EP400: variants seen among roughly 807,000 people sequenced by gnomAD.
EP400 encodes the protein E1A-binding protein p400.
In EP400, 105 loss-of-function variants were observed where a neutral mutation model predicts 354.1. The observed-to-expected ratio is 0.30, with a 90% CI of 0.25 to 0.35. EP400 has a LOEUF of 0.35. Among genes scored for constraint, EP400 ranks in the 10% least tolerant of loss-of-function variants. The pLI, the probability that EP400 is intolerant of heterozygous loss-of-function variation, is 1.00. For synonymous variants in EP400, 1,646 were observed against 1,716.9 expected, an observed-to-expected ratio of 0.96 and a Z score of 1.02; for missense variants, 3,280 against 4,121.0, an observed-to-expected ratio of 0.80 and a Z score of 5.59.
intron 23 of EP400, among the ~76,000 whole-genome samples, chr12:132,023,004 T>C (rs1389271982): frequency 2.0e-5 from 3 of 152,034 alleles, no homozygotes; most frequent in African/African-American, 4.8e-5. Flanking sequence ...AGCTAGTTAT[T>C]TTTTTATATT....
chr12:132,077,816 T>C lies in EP400; in HGVS notation c.*143T>C, dbSNP rs1896283410. 1.8e-6 allele frequency: 2 copies of C among 1,081,476 alleles called. No homozygotes were observed. The highest frequency in any genetic ancestry group is 5.2e-5 in the East Asian group (2 of 38,294). 67.0% of individuals were successfully genotyped at this position (1,081,476 alleles called of 1,614,324 possible). A position where few individuals can be genotyped will look rare whatever the true frequency, so the allele number is the denominator to read the frequency against. The stretch of plus-strand genomic sequence containing the variant: ...TTGAAACAAAATAGTGTAATCATTT[T>C]ATTAAAATGCATCCCACACTGCAGG... On this transcript the variant is annotated 3_prime_UTR_variant, in exon 53 of 53. Coordinates refer to ENST00000389561, the MANE Select transcript of EP400 (RefSeq NM_015409.5).
chr12:132,072,024 T>C (rs1343477842), intron 51 of EP400, among the ~76,000 whole-genome samples: 1 of 152,232 alleles, frequency 6.6e-6, no homozygotes, highest in Non-Finnish European at 1.5e-5. Flanking sequence ...CACTGGGTCC[T>C]GTGGTAGTTG....
Position 131,989,905 on chromosome 12 carries a change from C to G in EP400, c.2410-59C>G, listed in dbSNP as rs1486691055. ...GAAGATTTAAAAAAAGTTACATATCCTTTTTTTTCCAGCATGACATAGAGT... is the reference window on the plus strand; with the variant it reads ...GAAGATTTAAAAAAAGTTACATATCGTTTTTTTTCCAGCATGACATAGAGT... On this transcript the variant is annotated intron_variant, in intron 7 of 52. Coordinates refer to ENST00000389561, the MANE Select transcript of EP400 (RefSeq NM_015409.5). 5 of 1,579,270 alleles carry G rather than the reference C, an allele frequency of 3.2e-6. No homozygotes were observed. In the African/African-American group the frequency reaches 5.5e-5, roughly 17 times the overall value.
chr12:131,991,561 T>C, intron 10 of EP400, 105 bp downstream of exon 10: 1 of 1,005,136 alleles, frequency 9.9e-7, no homozygotes, highest in Non-Finnish European at 1.5e-6. Flanking sequence ...CTGTGACTAT[T>C]ACTTCCTTTC....
At chr12:131,996,177 G>A (rs1765741758) in intron 12 of EP400, among the ~76,000 whole-genome samples, 1 of 152,102 alleles carries the variant, frequency 6.6e-6, no homozygotes, top group Non-Finnish European at 1.5e-5. Flanking sequence ...TGTGTTTGCT[G>A]TGAGCATTCT....
At chr12:131,950,859 C>G (rs1015045783) in intron 1 of EP400, among the ~76,000 whole-genome samples, 11 of 152,164 alleles carry the variant, frequency 7.2e-5, no homozygotes, top group Non-Finnish European at 1.3e-4. Context: ...GTGGTTGGGA[C>G]CAAAGGCTTG....
chr12:132,074,270 G>A (rs995420508), intron 51 of EP400, among the ~76,000 whole-genome samples: 2 of 152,148 alleles, frequency 1.3e-5, no homozygotes, highest in Non-Finnish European at 2.9e-5. Flanking sequence ...CCTCACTGTG[G>A]CTGCTTTTGT....
At chr12:132,051,241 G>A (rs1895277543) in intron 41 of EP400, among the ~76,000 whole-genome samples, 1 of 152,218 alleles carries the variant, frequency 6.6e-6, no homozygotes, top group Admixed American at 6.5e-5. Flanking sequence ...ATGAAATGAT[G>A]TGCATCTGGT....
rs553228737 is a variant in EP400 at position 132,026,863 on chromosome 12, AG to A, written c.5015-572del. On this transcript the variant is annotated intron_variant, in intron 25 of 52. Transcript: ENST00000389561. The stretch of plus-strand genomic sequence containing the variant: ...GACACCTCTTTGACCACATCTTTGT[AG>A]GAAAGTCTGCCGCACTAAGTGGCAT... Among the ~76,000 whole-genome samples the A allele has an allele frequency of 8.7e-4, 133 of 152,286 alleles. 1 individual carries two copies. Among genetic ancestry groups the A allele is most frequent in the Admixed American group, 7.4e-3 (113 of 15,296 alleles).
intron 1 of EP400, among the ~76,000 whole-genome samples, chr12:131,952,856 CT>C (rs370947545): frequency 1.8e-4 from 27 of 151,330 alleles, no homozygotes; most frequent in South Asian, 1.7e-3. Context: ...TGTTTTCCAT[CT>C]TTTTTTTTAA....
At chr12:132,058,692 C>T (rs1292047777) in intron 45 of EP400, among the ~76,000 whole-genome samples, 1 of 151,966 alleles carries the variant, frequency 6.6e-6, no homozygotes. Context: ...GAGCCCTTAA[C>T]GGTCTTAGAG....
At chr12:131,974,791 C>T (rs1892412687) in intron 2 of EP400, among the ~76,000 whole-genome samples, 1 of 151,890 alleles carries the variant, frequency 6.6e-6, no homozygotes, top group Non-Finnish European at 1.5e-5. Flanking sequence ...AATTCAAAAC[C>T]AGCCTGGTCA....
chr12:131,966,519 C>T lies in EP400; in HGVS notation c.1335+4565C>T, dbSNP rs187186418. On this transcript the variant is annotated intron_variant, in intron 2 of 52. Transcript: ENST00000389561. ...CGGAGGTTGCAATGAGCTGAGACAG[C>T]GCCACTGCACACCAGCCTGGGCCAC... Among the ~76,000 whole-genome samples the T allele has an allele frequency of 2.0e-3, 285 of 142,826 alleles. 3 individuals are homozygous for T. The highest frequency in any genetic ancestry group is 6.4e-3 in the African/African-American group (238 of 37,200). 93.7% of individuals were successfully genotyped at this position (142,826 alleles called of 152,430 possible). A position where few individuals can be genotyped will look rare whatever the true frequency, so the allele number is the denominator to read the frequency against.
chr12:132,044,965 G>A lies in EP400; in HGVS notation c.6784+12G>A, dbSNP rs765664732. ...AACAGACCCCTCAGGTGCGCATCCC[G>A]AGGGCGTCACATGACCTGGGGGGGC... On this transcript the variant is annotated intron_variant, in intron 37 of 52. Coordinates refer to ENST00000389561, the MANE Select transcript of EP400 (RefSeq NM_015409.5). 49 of 1,613,102 alleles carry A rather than the reference G, an allele frequency of 3.0e-5. No homozygotes were observed. Among genetic ancestry groups the A allele is most frequent in the East Asian group, 4.5e-5 (2 of 44,904 alleles).
chr12:132,045,264 G>T (rs1285943062), intron 37 of EP400, 55 bp from the exon 38 acceptor site: 5 of 1,595,952 alleles, frequency 3.1e-6, no homozygotes, highest in Middle Eastern at 3.3e-4. Context: ...TCTTTTGCCT[G>T]CCCGTGTGGA....
intron 14 of EP400, 73 bp from the exon 15 acceptor site, chr12:132,006,627 A>G: frequency 7.0e-7 from 1 of 1,433,160 alleles, no homozygotes; most frequent in Non-Finnish European, 9.4e-7. Flanking sequence ...GTGACTGTTG[A>G]TTTCAGTTTT....
chr12:131,974,661 T>G (rs1892407659), intron 2 of EP400, among the ~76,000 whole-genome samples: 1 of 152,172 alleles, frequency 6.6e-6, no homozygotes, highest in African/African-American at 2.4e-5. Flanking sequence ...AGAAATTCTC[T>G]TTTTTAAAGA....
At chr12:131,985,450 T>A (rs1892822704) in intron 5 of EP400, among the ~76,000 whole-genome samples, 1 of 151,992 alleles carries the variant, frequency 6.6e-6, no homozygotes, top group South Asian at 2.1e-4. Context: ...TCAGAGAGAG[T>A]GTGCTCTAGC....
chr12:132,043,537 C>A, intron 33 of EP400, 75 bp downstream of exon 33: 2 of 1,577,730 alleles, frequency 1.3e-6, no homozygotes, highest in Non-Finnish European at 1.7e-6. Flanking sequence ...TTGTTTACTG[C>A]AAGAAAAATC....
Sources: gnomAD v4.1 joint callset for allele counts (sites outside exome capture counted in the v4.1 genomes callset) on GRCh38, gnomAD v4.1.1 for gene constraint, MANE v1.5 for transcripts, NCBI Gene and HGNC (gene_info 2026-07-23, HGNC 2026-07-21) for gene names.